The following PLEKHA7 variants were observed in gnomAD, a reference collection of about 807,000 sequenced individuals.
PLEKHA7 encodes the protein pleckstrin homology domain containing A7, also known as pleckstrin homology domain-containing family A member 7.
A neutral mutation model predicts 170.0 loss-of-function variants in PLEKHA7; 104 were observed. That is an observed-to-expected ratio of 0.61 (90% CI 0.52 to 0.72). The LOEUF is 0.72. Ranked by LOEUF, PLEKHA7 falls within the 30% of genes least tolerant of loss-of-function variation. The pLI is 0.00. For missense variants in PLEKHA7, 1,615 were observed against 1,671.7 expected (o/e 0.97, Z 0.59); for synonymous variants, 648 against 660.8 (o/e 0.98, Z 0.30).
intron 3 of PLEKHA7, among the ~76,000 whole-genome samples, chr11:17,002,886 C>T (rs755971615): frequency 1.1e-4 from 16 of 151,886 alleles, no homozygotes; most frequent in Non-Finnish European, 1.5e-5. Context: ...CTCCTTCCCC[C>T]CAACACAATT....
In PLEKHA7 at chr11:16,872,027, G is replaced by A. The variant is rs75601768; in HGVS notation, c.222-845C>T. On this transcript the variant is annotated intron_variant, in intron 3 of 26. Transcript: ENST00000531066. ...TCTGTTACCCAGGCTGGAGAGCGGTGGTGCAATCTCGGCTCACAGCAACTT... is the reference window on the plus strand; with the variant it reads ...TCTGTTACCCAGGCTGGAGAGCGGTAGTGCAATCTCGGCTCACAGCAACTT... Among the ~76,000 whole-genome samples, 1,088 of 147,870 alleles carry A rather than the reference G, an allele frequency of 7.4e-3. 16 individuals carry two copies. The highest frequency in any genetic ancestry group is 0.025 in the African/African-American group (1,011 of 39,772).
At chr11:17,008,355 G>T (rs1393905520) in intron 3 of PLEKHA7, among the ~76,000 whole-genome samples, 3 of 152,212 alleles carry the variant, frequency 2.0e-5, no homozygotes. Flanking sequence ...CCCAGATGCA[G>T]AGCAATAAGG....
chr11:16,826,171 T>A lies in PLEKHA7; in HGVS notation c.1292A>T (p.Asn431Ile). ...NPEKHSQRKS[N>I]LAQVEHWARA... Reference sequence around the variant, plus strand: ...TGCCCAGTGCTCCACCTGGGCCAGATTGCTCTTCCTTTGGCTGTGTTTTTC... The same window carrying A: ...TGCCCAGTGCTCCACCTGGGCCAGAATGCTCTTCCTTTGGCTGTGTTTTTC... Residue 431 changes from asparagine (N) to isoleucine (I), a missense_variant, in exon 10 of 27, where the codon AAT becomes ATT. Physicochemically the swap from Asn to Ile is moderately radical, Grantham distance 149. Coordinates refer to ENST00000531066, the MANE Select transcript of PLEKHA7 (RefSeq NM_001329630.2). 6.2e-7 allele frequency: 1 copy of A among 1,614,216 alleles called. No homozygotes were observed. The highest frequency in any genetic ancestry group is 8.5e-7 in the Non-Finnish European group (1 of 1,180,036).
intron 8 of PLEKHA7, among the ~76,000 whole-genome samples, chr11:16,845,106 C>T (rs921169430): frequency 2.0e-5 from 3 of 152,152 alleles, no homozygotes; most frequent in African/African-American, 4.8e-5. Context: ...CTGCCTTCTA[C>T]GTAGTAGGTA....
At chr11:16,983,803 A>T (rs550651542) in intron 3 of PLEKHA7, among the ~76,000 whole-genome samples, 1 of 152,226 alleles carries the variant, frequency 6.6e-6, no homozygotes, top group Non-Finnish European at 1.5e-5. Flanking sequence ...GTAGCTCCCA[A>T]AAGGGCAGAA....
intron 3 of PLEKHA7, among the ~76,000 whole-genome samples, chr11:16,957,720 T>TTTTTTTTTTTTTTTTTTTC (rs1861794222): frequency 6.9e-6 from 1 of 145,734 alleles, no homozygotes; most frequent in African/African-American, 2.5e-5. Flanking sequence ...TTTTTTTTTT[T>TTTTTTTTTTTTTTTTTTTC]TGAGACAGAG....
chr11:16,953,739 T>G (rs956122463), intron 3 of PLEKHA7, among the ~76,000 whole-genome samples: 1 of 152,230 alleles, frequency 6.6e-6, no homozygotes, highest in Non-Finnish European at 1.5e-5. Flanking sequence ...CTTGGTTGAC[T>G]GGAAAGGGCA....
At chr11:16,810,026 C>G (rs902159264) in intron 13 of PLEKHA7, among the ~76,000 whole-genome samples, 4 of 152,182 alleles carry the variant, frequency 2.6e-5, no homozygotes, top group African/African-American at 7.2e-5. Context: ...TTGCAGGCAG[C>G]CACCTTCCCT....
At chr11:16,883,115 T>C (rs1343963502) in intron 3 of PLEKHA7, among the ~76,000 whole-genome samples, 6 of 152,208 alleles carry the variant, frequency 3.9e-5, no homozygotes. Flanking sequence ...GGCTTGTTTC[T>C]AGTGGCTACA....
chr11:16,999,856 G>A (rs1008017141), intron 3 of PLEKHA7, among the ~76,000 whole-genome samples: 1 of 152,200 alleles, frequency 6.6e-6, no homozygotes, highest in African/African-American at 2.4e-5. Flanking sequence ...TGTGGAGCTT[G>A]TGATAAATGC....
intron 8 of PLEKHA7, 73 bp downstream of exon 8, chr11:16,851,118 T>G: frequency 8.1e-7 from 1 of 1,237,290 alleles, no homozygotes; most frequent in Non-Finnish European, 1.1e-6. Context: ...CAAAAGCAAC[T>G]GCTTTTATGA....
rs1394382179 is a variant in PLEKHA7, at chr11:16,791,291, G to A, written c.2746-92C>T. 4.0e-6 allele frequency: 5 copies of A among 1,236,534 alleles called. No individual in the cohort carries two copies. The highest frequency in any genetic ancestry group is 1.5e-5 in the African/African-American group (1 of 65,718). The allele number at this position is 1,236,534 out of a possible 1,614,324, so 76.6% of individuals were successfully genotyped here. The stretch of plus-strand genomic sequence containing the variant: ...GCCACAGTGGAGGTTTAAAGGGTAG[G>A]AACAGGCCACATCAGAGCCACAGAA... On this transcript the variant is annotated intron_variant, in intron 19 of 26. Transcript: ENST00000531066. The surrounding 1 kb of genome is among the most constrained non-coding windows in gnomAD (Gnocchi z 4.5).
intron 3 of PLEKHA7, among the ~76,000 whole-genome samples, chr11:16,892,116 A>C (rs1044976540): frequency 6.6e-6 from 1 of 152,158 alleles, no homozygotes; most frequent in African/African-American, 2.4e-5. Context: ...GATGTTGGTA[A>C]TGGAAGAATG....
intron 3 of PLEKHA7, among the ~76,000 whole-genome samples, chr11:16,959,940 C>T (rs11024092): frequency 0.059 from 8,946 of 152,118 alleles, 852 homozygotes; most frequent in African/African-American, 0.2. Context: ...CCAGGTAAGG[C>T]TGCAGGATTG....
intron 26 of PLEKHA7, among the ~76,000 whole-genome samples, chr11:16,779,634 C>T (rs1488280633): frequency 2.6e-5 from 4 of 152,224 alleles, no homozygotes; most frequent in Non-Finnish European, 5.9e-5. Flanking sequence ...CTACTCCACA[C>T]CTCCTCAGAG....
intron 3 of PLEKHA7, among the ~76,000 whole-genome samples, chr11:16,952,538 C>A (rs1861470117): frequency 6.6e-6 from 1 of 151,932 alleles, no homozygotes; most frequent in South Asian, 2.1e-4. Context: ...AAACATAACC[C>A]CAACTAATAC....
rs536876287 is a variant in PLEKHA7 at position 16,823,492 on chromosome 11, G to A, written c.1343+2628C>T. Among the ~76,000 whole-genome samples the A allele has an allele frequency of 4.6e-5, 7 of 152,276 alleles. No homozygotes were observed. In the South Asian group the frequency reaches 1.4e-3, roughly 32 times the overall value. ...TATTAGTTACCATCTCTAAGGCAAT[G>A]ACTCTAGAATTCCTCTACAGACTGT... On this transcript the variant is annotated intron_variant, in intron 10 of 26. Transcript: ENST00000531066.
intron 23 of PLEKHA7, chr11:16,788,826 C>G (rs1410793654): frequency 6.8e-5 from 37 of 544,960 alleles, no homozygotes; most frequent in Non-Finnish European, 1.1e-4. Flanking sequence ...GCAAAGGCCC[C>G]TCTCCATCGC....
intron 3 of PLEKHA7, among the ~76,000 whole-genome samples, chr11:16,985,337 C>T (rs1863660096): frequency 1.3e-5 from 2 of 152,264 alleles, no homozygotes; most frequent in South Asian, 2.1e-4. Flanking sequence ...ATTCCAAGTA[C>T]ACTTGCTTCT....
Sources: allele counts gnomAD v4.1 joint callset (sites outside exome capture counted in the v4.1 genomes callset), GRCh38; gene constraint gnomAD v4.1.1; non-coding constraint Gnocchi (gnomAD v3.1); transcripts MANE v1.5; gene names NCBI Gene and HGNC (gene_info 2026-07-23, HGNC 2026-07-21).